The following BCAT1 variants were observed in gnomAD, a reference collection of about 807,000 sequenced individuals.
The protein encoded by BCAT1 is branched-chain-amino-acid aminotransferase, cytosolic.
A neutral mutation model predicts 52.4 loss-of-function variants in BCAT1; 48 were observed. That is an observed-to-expected ratio of 0.92 (90% CI 0.73 to 1.16). BCAT1 has a LOEUF of 1.16. Ranked by LOEUF, BCAT1 falls within the 50% of genes most tolerant of loss-of-function variation. BCAT1 has a pLI of 0.00. For synonymous variants in BCAT1, 167 were observed against 161.3 expected (o/e 1.04, Z -0.27); for missense variants, 451 against 457.1 (o/e 0.99, Z 0.12).
chr12:24,863,782 T>C (rs1025267150), intron 5 of BCAT1, among the ~76,000 whole-genome samples: 1 of 152,080 alleles, frequency 6.6e-6, no homozygotes, highest in African/African-American at 2.4e-5. Context: ...AATTTAAAAA[T>C]CAGCCAGGTG....
intron 2 of BCAT1, among the ~76,000 whole-genome samples, chr12:24,900,649 G>C (rs1943077712): frequency 6.6e-6 from 1 of 152,202 alleles, no homozygotes; most frequent in Non-Finnish European, 1.5e-5. Flanking sequence ...TCTTTGCAAA[G>C]AATTCTTCAG....
At chr12:24,912,307 G>A (rs1451912791) in intron 1 of BCAT1, among the ~76,000 whole-genome samples, 1 of 152,054 alleles carries the variant, frequency 6.6e-6, no homozygotes, top group Non-Finnish European at 1.5e-5. Flanking sequence ...GAGGTCAGGA[G>A]ATTGAGACCA....
Position 24,876,874 on chromosome 12 carries a change from T to C in BCAT1, c.510+1656A>G, listed in dbSNP as rs140595891. Among the ~76,000 whole-genome samples, 394 of 152,118 alleles carry C rather than the reference T, an allele frequency of 2.6e-3. 1 individual carries two copies. Among genetic ancestry groups the C allele is most frequent in the Non-Finnish European group, 4.8e-3 (329 of 68,006 alleles). ...CTGGGCTTAATACCTAGGTGATGGG[T>C]TGATTTGTACAGCAAACCACCATGG... On this transcript the variant is annotated intron_variant, in intron 5 of 10. Transcript: ENST00000261192.
chr12:24,855,059 A>C (rs545921436), intron 5 of BCAT1, among the ~76,000 whole-genome samples: 21 of 152,312 alleles, frequency 1.4e-4, no homozygotes, highest in Non-Finnish European at 2.2e-4. Context: ...GCTAGCCTTG[A>C]GAAGTAAATG....
intron 6 of BCAT1, 62 bp downstream of exon 6, chr12:24,849,724 T>G: frequency 6.7e-7 from 1 of 1,490,038 alleles, no homozygotes; most frequent in Non-Finnish European, 9.1e-7. Context: ...TGAAGTGAAA[T>G]GGCACTAACT....
In BCAT1 at chr12:24,812,583, T is replaced by C. The variant is rs1461190781; in HGVS notation, c.*5425A>G. On this transcript the variant is annotated 3_prime_UTR_variant, in exon 11 of 11. Coordinates refer to ENST00000261192, the MANE Select transcript of BCAT1 (RefSeq NM_005504.7). ...TATATTTAGTCACTACCTAGTAGCA[T>C]TATTTGTATTTAGCAACTACATTGA... 2 of 152,082 alleles carry C rather than the reference T, an allele frequency of 1.3e-5. No individual in the cohort carries two copies. The highest frequency in any genetic ancestry group is 2.9e-5 in the Non-Finnish European group (2 of 67,908). The allele number at this position is 152,082 out of a possible 1,614,324, so 9.4% of individuals were successfully genotyped here. A position where few individuals can be genotyped will look rare whatever the true frequency, so the allele number is the denominator to read the frequency against.
At chr12:24,830,158 T>G (rs935460444) in intron 9 of BCAT1, 7 of 319,322 alleles carry the variant, frequency 2.2e-5, no homozygotes, top group Non-Finnish European at 4.0e-5. Flanking sequence ...TATACCAGCC[T>G]TCAGGATCAT....
chr12:24,894,153 C>T lies in BCAT1; in HGVS notation c.279+122G>A, dbSNP rs1331144248. ...ATAGGAAAACTTTTAAAGACATTTT[C>T]GGCTTCCTCTGGTAAATATGATAAA... On this transcript the variant is annotated intron_variant, in intron 3 of 10. Coordinates refer to ENST00000261192, the MANE Select transcript of BCAT1 (RefSeq NM_005504.7). 2.2e-5 allele frequency: 19 copies of T among 861,754 alleles called. No individual in the cohort carries two copies. In the Middle Eastern group the frequency reaches 9.5e-4, roughly 43 times the overall value. The allele number at this position is 861,754 out of a possible 1,614,324, so 53.4% of individuals were successfully genotyped here. A position where few individuals can be genotyped will look rare whatever the true frequency, so the allele number is the denominator to read the frequency against.
chr12:24,877,257 C>T (rs16928145), intron 5 of BCAT1, among the ~76,000 whole-genome samples: 1,621 of 152,316 alleles, frequency 0.011, 33 homozygotes, highest in African/African-American at 0.037. Flanking sequence ...AGCGCTCTAT[C>T]TCACACTCTC....
At chr12:24,863,576 T>C (rs1941914718) in intron 5 of BCAT1, among the ~76,000 whole-genome samples, 1 of 152,210 alleles carries the variant, frequency 6.6e-6, no homozygotes, top group South Asian at 2.1e-4. Context: ...ATTTAAAAAG[T>C]GGTCCAGGAT....
intron 3 of BCAT1, among the ~76,000 whole-genome samples, chr12:24,887,061 T>TAAAAAAAAA (rs1171691492): frequency 0.068 from 515 of 7,526 alleles, 151 homozygotes; most frequent in East Asian, 0.4. Flanking sequence ...AGATGCTAGC[T>TAAAAAAAAA]AAAAAAAAAA....
intron 7 of BCAT1, among the ~76,000 whole-genome samples, chr12:24,840,715 C>T (rs1407284848): frequency 6.6e-6 from 1 of 152,192 alleles, no homozygotes; most frequent in Non-Finnish European, 1.5e-5. Flanking sequence ...TGAATTCAGC[C>T]ACATCTAAAT....
At chr12:24,873,786 A>T (rs1156663082) in intron 5 of BCAT1, among the ~76,000 whole-genome samples, 1 of 152,116 alleles carries the variant, frequency 6.6e-6, no homozygotes. Flanking sequence ...GAGTATTCTG[A>T]ATTTCAGGTT....
intron 5 of BCAT1, among the ~76,000 whole-genome samples, chr12:24,870,347 T>C (rs1246639477): frequency 1.3e-5 from 2 of 152,130 alleles, no homozygotes; most frequent in Admixed American, 6.6e-5. Context: ...ACATCAAATA[T>C]AGTTGAGAGC....
chr12:24,900,279 A>G (rs1489581288), intron 2 of BCAT1, among the ~76,000 whole-genome samples: 1 of 152,222 alleles, frequency 6.6e-6, no homozygotes, highest in East Asian at 1.9e-4. Flanking sequence ...AGAAATCTAA[A>G]TTAACAAATA....
chr12:24,832,980 C>T (rs1378454619), intron 8 of BCAT1, 117 bp from the exon 9 acceptor site: 2 of 1,126,674 alleles, frequency 1.8e-6, no homozygotes, highest in South Asian at 1.8e-5. Flanking sequence ...TCACAATCAT[C>T]CTTTAAGGGA....
chr12:24,943,816 C>T (rs1943890328), intron 1 of BCAT1, among the ~76,000 whole-genome samples: 1 of 151,760 alleles, frequency 6.6e-6, no homozygotes, highest in Non-Finnish European at 1.5e-5. Context: ...AACCCCGTCT[C>T]TACAAAAAAT....
intron 1 of BCAT1, among the ~76,000 whole-genome samples, chr12:24,943,404 G>T (rs1344787024): frequency 7.2e-6 from 1 of 139,498 alleles, no homozygotes; most frequent in Non-Finnish European, 1.5e-5. Context: ...GAGGCAGGAA[G>T]ATCACTTGAG....
At chr12:24,869,748 T>C (rs1289485273) in intron 5 of BCAT1, among the ~76,000 whole-genome samples, 1 of 152,156 alleles carries the variant, frequency 6.6e-6, no homozygotes, top group African/African-American at 2.4e-5. Context: ...TTGACTCTAT[T>C]GGAGAGGGAA....
Sources: gnomAD v4.1 joint callset for allele counts (sites outside exome capture counted in the v4.1 genomes callset) on GRCh38, gnomAD v4.1.1 for gene constraint, MANE v1.5 for transcripts, NCBI Gene and HGNC (gene_info 2026-07-23, HGNC 2026-07-21) for gene names.